APH1B: variants seen among roughly 807,000 people sequenced by gnomAD.
APH1B encodes the protein aph-1B gamma-secretase subunit.
APH1B carries 27 observed loss-of-function variants against 28.2 expected under a neutral mutation model. The observed-to-expected ratio is 0.96, with a 90% CI of 0.70 to 1.32. The LOEUF is 1.32. Among genes scored for constraint, APH1B ranks in the 40% most tolerant of loss-of-function variants. APH1B has a pLI of 0.00. For synonymous variants in APH1B, 141 were observed against 124.6 expected, an observed-to-expected ratio of 1.13 and a Z score of -0.88; for missense variants, 305 against 313.6, an observed-to-expected ratio of 0.97 and a Z score of 0.21.
At chr15:63,302,554 A>T in intron 5 of APH1B, 82 bp downstream of exon 5, 1 of 1,491,836 alleles carries the variant, frequency 6.7e-7, no homozygotes, top group Non-Finnish European at 8.9e-7. Flanking sequence ...TCTAGATGAA[A>T]TACACGCTCA....
chr15:63,299,444 A>G lies in APH1B; in HGVS notation c.479-2901A>G, dbSNP rs926689884. ...TTTTGAGATGGAGTCTTGCTCTGTCACCCAGGCTGGAGTGCAGTGGCACTA... is the reference window on the plus strand; with the variant it reads ...TTTTGAGATGGAGTCTTGCTCTGTCGCCCAGGCTGGAGTGCAGTGGCACTA... On this transcript the variant is annotated intron_variant, in intron 4 of 5. Transcript: ENST00000261879. Among the ~76,000 whole-genome samples, 6 of 151,970 alleles carry G rather than the reference A, an allele frequency of 3.9e-5. No individual in the cohort carries two copies. The East Asian group carries it at 7.7e-4, about 20-fold the overall frequency.
intron 4 of APH1B, among the ~76,000 whole-genome samples, chr15:63,290,584 A>G (rs1042398853): frequency 1.3e-5 from 2 of 152,258 alleles, no homozygotes; most frequent in East Asian, 1.9e-4. Context: ...AGCATGATCA[A>G]TGCTACAGTG....
intron 2 of APH1B, among the ~76,000 whole-genome samples, chr15:63,284,196 G>T (rs1436197353): frequency 1.3e-5 from 2 of 148,886 alleles, no homozygotes; most frequent in Admixed American, 6.7e-5. Flanking sequence ...ATTATATACT[G>T]TACATAATTG....
chr15:63,279,287 C>T lies in APH1B; in HGVS notation c.240C>T (p.Val80=). The T allele has an allele frequency of 1.9e-6, 3 of 1,610,974 alleles. No homozygotes were observed. Among genetic ancestry groups the T allele is most frequent in the South Asian group, 2.2e-5 (2 of 90,890 alleles). The part of the protein sequence containing the change: ...YLLIFGAFVS[V]YIQEMFRFAY... The stretch of plus-strand genomic sequence containing the variant: ...TGATCTTTGGAGCGTTTGTCTCTGT[C>T]TATATCCAAGAAATGTTCCGATTTG... Residue 80 remains valine (V), a synonymous_variant, in exon 2 of 6, where the codon GTC becomes GTT. Transcript: ENST00000261879.
chr15:63,288,444 C>T (rs983143443), intron 4 of APH1B, among the ~76,000 whole-genome samples: 1 of 152,198 alleles, frequency 6.6e-6, no homozygotes, highest in South Asian at 2.1e-4. Context: ...ATTCACCATT[C>T]GCAGTAGACC....
chr15:63,281,341 T>TGGACATGACCCTTTTTGTCAGC (rs1400521763), intron 2 of APH1B, among the ~76,000 whole-genome samples: 13 of 151,276 alleles, frequency 8.6e-5, no homozygotes, highest in Non-Finnish European at 1.9e-4. Flanking sequence ...TTTTGGTCAG[T>TGGACATGACCCTTTTTGTCAGC]GGACATGACC....
chr15:63,282,894 A>C (rs2038403859), intron 2 of APH1B, among the ~76,000 whole-genome samples: 1 of 152,194 alleles, frequency 6.6e-6, no homozygotes, highest in Admixed American at 6.5e-5. Context: ...ACATTCGAAA[A>C]AGGATAGAAC....
intron 4 of APH1B, among the ~76,000 whole-genome samples, chr15:63,292,801 A>G (rs564987181): frequency 1.6e-4 from 24 of 152,262 alleles, no homozygotes; most frequent in Non-Finnish European, 3.2e-4. Flanking sequence ...ATGACCTATC[A>G]TAGTCTCTAG....
At position 63,305,891 on chromosome 15, in the gene APH1B, C is replaced by G; in HGVS notation, c.*110C>G. 1 of 1,385,390 alleles carries G rather than the reference C, an allele frequency of 7.2e-7. No individual in the cohort carries two copies. The allele number at this position is 1,385,390 out of a possible 1,614,324, so 85.8% of individuals were successfully genotyped here. On this transcript the variant is annotated 3_prime_UTR_variant, in exon 6 of 6. Transcript: ENST00000261879. ...TGGTGGAATTGAGAAAGAAATAAAACTATGCAGATATGCGTTCCATTCACT... is the reference window on the plus strand; with the variant it reads ...TGGTGGAATTGAGAAAGAAATAAAAGTATGCAGATATGCGTTCCATTCACT...
At chr15:63,280,129 T>G (rs2038370266) in intron 2 of APH1B, among the ~76,000 whole-genome samples, 1 of 152,208 alleles carries the variant, frequency 6.6e-6, no homozygotes, top group Non-Finnish European at 1.5e-5. Flanking sequence ...GACCATGCCT[T>G]CCATTATTTT....
At chr15:63,285,590 G>A (rs1595759798) in intron 2 of APH1B, among the ~76,000 whole-genome samples, 2 of 152,234 alleles carry the variant, frequency 1.3e-5, no homozygotes, top group Admixed American at 6.5e-5. Context: ...TTATAAATTG[G>A]CCACAACAGA....
At chr15:63,305,490 C>T in intron 5 of APH1B, 124 bp from the exon 6 acceptor site, 1 of 1,103,976 alleles carries the variant, frequency 9.1e-7, no homozygotes, top group South Asian at 1.5e-5. Flanking sequence ...TGACACACAT[C>T]ATACGTTTGG....
chr15:63,287,316 A>G (rs2038457747), intron 3 of APH1B, 108 bp from the exon 4 acceptor site: 1 of 1,456,460 alleles, frequency 6.9e-7, no homozygotes, highest in Non-Finnish European at 9.3e-7. Flanking sequence ...TTCAGGAAGA[A>G]CATAAGCACC....
intron 4 of APH1B, among the ~76,000 whole-genome samples, chr15:63,295,564 A>G (rs1002498684): frequency 2.6e-5 from 4 of 152,132 alleles, no homozygotes; most frequent in African/African-American, 7.2e-5. Context: ...GGGTTTCTCA[A>G]CCTCACCACT....
chr15:63,277,779 TC>T, intron 1 of APH1B, 43 bp downstream of exon 1: 1 of 1,566,670 alleles, frequency 6.4e-7, no homozygotes, highest in East Asian at 2.3e-5. Context: ...GGGGCTCCCC[TC>T]CCCCGCTGGG....
rs780651133 is a variant in APH1B at position 63,305,655 on chromosome 15, A to G, written c.648A>G (p.Ala216=). The G allele has an allele frequency of 6.8e-6, 11 of 1,614,208 alleles. No homozygotes were observed. The highest frequency in any genetic ancestry group is 9.3e-6 in the Non-Finnish European group (11 of 1,180,032). The part of the protein sequence containing the change: ...SSYYGINLAS[A]FIILVLMGTW... ...ATTATGGAATAAACCTGGCGTCAGC[A>G]TTTATAATCCTGGTGCTCATGGGCA... is the stretch of plus-strand genomic sequence containing the variant. Residue 216 remains alanine (A), a synonymous_variant, in exon 6 of 6, where the codon GCA becomes GCG. Transcript: ENST00000261879.
intron 3 of APH1B, 111 bp from the exon 4 acceptor site, chr15:63,287,313 A>G: frequency 1.4e-6 from 2 of 1,439,178 alleles, no homozygotes; most frequent in Non-Finnish European, 1.9e-6. Flanking sequence ...TGCTTCAGGA[A>G]GAACATAAGC....
rs990083215 is a variant in APH1B at position 63,307,997 on chromosome 15, T to G, written c.*2216T>G. ...GCCTTTCCAGAGTCAGCTTAGACAC[T>G]GTTGTCGCAAATAGCCATGCTTTGC... On this transcript the variant is annotated 3_prime_UTR_variant, in exon 6 of 6. Transcript: ENST00000261879. 1 of 152,224 alleles carries G rather than the reference T, an allele frequency of 6.6e-6. No homozygotes were observed. The highest frequency in any genetic ancestry group is 2.4e-5 in the African/African-American group (1 of 41,458). 9.4% of individuals were successfully genotyped at this position (152,224 alleles called of 1,614,324 possible). A position where few individuals can be genotyped will look rare whatever the true frequency, so the allele number is the denominator to read the frequency against.
intron 2 of APH1B, among the ~76,000 whole-genome samples, chr15:63,281,557 A>G (rs1335037491): frequency 6.6e-6 from 1 of 152,020 alleles, no homozygotes; most frequent in Non-Finnish European, 1.5e-5. Context: ...AAAAACAAAA[A>G]AAAACACAAT....
Sources: gnomAD v4.1 joint callset for allele counts (sites outside exome capture counted in the v4.1 genomes callset) on GRCh38, gnomAD v4.1.1 for gene constraint, MANE v1.5 for transcripts, NCBI Gene and HGNC (gene_info 2026-07-23, HGNC 2026-07-21) for gene names.